SHANK2: variants seen among roughly 807,000 people sequenced by gnomAD.
SHANK2 encodes the protein SH3 and multiple ankyrin repeat domains protein 2.
In SHANK2, 43 loss-of-function variants were observed where a neutral mutation model predicts 133.7. The ratio of observed to expected loss-of-function variants is 0.32; its 90% CI spans 0.25 to 0.41. SHANK2 has a LOEUF of 0.41. SHANK2 is among the 10% of genes least tolerant of loss of function. SHANK2 has a pLI of 1.00. For synonymous variants in SHANK2, 1,017 were observed against 952.8 expected, an observed-to-expected ratio of 1.07 and a Z score of -1.24; for missense variants, 1,994 against 2,235.8, an observed-to-expected ratio of 0.89 and a Z score of 2.18.
At position 70,580,438 on chromosome 11, in the gene SHANK2, C is replaced by T. The variant is rs74434268; in HGVS notation, c.2062-77507G>A. ...TGCCAGCCTCCAGAATGCTCAATCG[C>T]GTCCCTTACCCTCCTGCAGGATGAA... On this transcript the variant is annotated intron_variant, in intron 17 of 25. Coordinates refer to ENST00000601538, the MANE Select transcript of SHANK2 (RefSeq NM_012309.5). Among the ~76,000 whole-genome samples the T allele has an allele frequency of 1.1e-3, 165 of 152,348 alleles. 1 individual carries two copies. The highest frequency in any genetic ancestry group is 3.7e-3 in the African/African-American group (154 of 41,584).
chr11:70,720,680 G>T (rs547780308), intron 14 of SHANK2, among the ~76,000 whole-genome samples: 11 of 152,370 alleles, frequency 7.2e-5, no homozygotes, highest in African/African-American at 2.6e-4. Context: ...AGGAATGACA[G>T]GTGGGACTGA....
chr11:70,808,722 G>A (rs1948216883), intron 12 of SHANK2, among the ~76,000 whole-genome samples: 1 of 151,996 alleles, frequency 6.6e-6, no homozygotes, highest in Admixed American at 6.6e-5. Context: ...GTGACAGAGT[G>A]AGATCCTGTC....
chr11:70,484,246 G>A (rs868967894), intron 25 of SHANK2, among the ~76,000 whole-genome samples: 3 of 152,320 alleles, frequency 2.0e-5, no homozygotes, highest in Middle Eastern at 6.8e-3. Flanking sequence ...TCTCATATGT[G>A]AAATTGTAGT....
intron 1 of SHANK2, among the ~76,000 whole-genome samples, chr11:71,237,764 T>G (rs1954841381): frequency 6.6e-6 from 1 of 151,898 alleles, no homozygotes; most frequent in Admixed American, 6.6e-5. Flanking sequence ...CTACCCCATC[T>G]CCCCTTCCCA....
intron 17 of SHANK2, among the ~76,000 whole-genome samples, chr11:70,593,514 A>C (rs557539038): frequency 1.6e-4 from 24 of 152,218 alleles, no homozygotes; most frequent in African/African-American, 5.5e-4. Flanking sequence ...CATGGTGGCT[A>C]CCTCGCCTGC....
At chr11:70,848,623 C>T (rs116527998) in intron 11 of SHANK2, among the ~76,000 whole-genome samples, 382 of 152,310 alleles carry the variant, frequency 2.5e-3, no homozygotes, top group African/African-American at 8.6e-3. Flanking sequence ...AAGCAGGTAG[C>T]GCTTCCAATG....
intron 20 of SHANK2, 125 bp downstream of exon 20, chr11:70,501,798 T>C: frequency 1.0e-6 from 1 of 982,588 alleles, no homozygotes; most frequent in Non-Finnish European, 1.6e-6. Flanking sequence ...GGATGGAGCC[T>C]TCTGGTCTGA....
At chr11:71,134,918 A>C (rs1237243453) in intron 3 of SHANK2, among the ~76,000 whole-genome samples, 3 of 152,028 alleles carry the variant, frequency 2.0e-5, no homozygotes, top group African/African-American at 7.3e-5. Context: ...GGCCAAGATT[A>C]CCCTTTTCAA....
intron 14 of SHANK2, chr11:70,705,757 G>A (rs1225820348): frequency 6.6e-6 from 1 of 152,204 alleles, no homozygotes; most frequent in African/African-American, 2.4e-5. Context: ...CAAGGGCTCA[G>A]CAATGTTTGT....
chr11:70,788,709 C>T (rs1555047233), intron 14 of SHANK2, among the ~76,000 whole-genome samples: 1 of 152,198 alleles, frequency 6.6e-6, no homozygotes, highest in East Asian at 1.9e-4. Context: ...CCTTCTCCTG[C>T]CCAGCCCTGA....
intron 14 of SHANK2, among the ~76,000 whole-genome samples, chr11:70,773,494 T>C (rs187060107): frequency 6.6e-6 from 1 of 152,242 alleles, no homozygotes; most frequent in Non-Finnish European, 1.5e-5. Flanking sequence ...TCATAGAGAA[T>C]GAGCTTAATG....
intron 10 of SHANK2, among the ~76,000 whole-genome samples, chr11:70,952,241 C>T (rs1330959916): frequency 6.6e-6 from 1 of 152,248 alleles, no homozygotes; most frequent in Non-Finnish European, 1.5e-5. Flanking sequence ...TGGGGCGTCT[C>T]TCCTGGCCGA....
intron 3 of SHANK2, among the ~76,000 whole-genome samples, chr11:71,143,220 G>A (rs1162174528): frequency 6.6e-6 from 1 of 152,104 alleles, no homozygotes; most frequent in African/African-American, 2.4e-5. Flanking sequence ...GGGTGACAGG[G>A]TGAGACTCCA....
At chr11:70,595,853 T>C (rs1223995710) in intron 17 of SHANK2, among the ~76,000 whole-genome samples, 1 of 152,252 alleles carries the variant, frequency 6.6e-6, no homozygotes, top group Admixed American at 6.5e-5. Context: ...ACGGGGTCTT[T>C]GCAGATTTAG....
chr11:70,499,650 G>T (rs1555157939), intron 21 of SHANK2, among the ~76,000 whole-genome samples: 1 of 152,248 alleles, frequency 6.6e-6, no homozygotes, highest in African/African-American at 2.4e-5. Context: ...GACATAGAAA[G>T]AAGGGTATTC....
intron 17 of SHANK2, among the ~76,000 whole-genome samples, chr11:70,624,798 G>A (rs529626454): frequency 4.1e-4 from 62 of 152,294 alleles, no homozygotes; most frequent in African/African-American, 1.4e-3. Flanking sequence ...CCCCGGTGTC[G>A]TCCTGGGGCA....
chr11:70,892,259 G>A (rs1198958622), intron 11 of SHANK2, among the ~76,000 whole-genome samples: 2 of 152,208 alleles, frequency 1.3e-5, no homozygotes, highest in African/African-American at 4.8e-5. Context: ...GCACAGCTGG[G>A]GAGCTGGCTA....
intron 11 of SHANK2, among the ~76,000 whole-genome samples, chr11:70,875,916 G>A (rs1949553531): frequency 6.6e-6 from 1 of 151,746 alleles, no homozygotes; most frequent in Non-Finnish European, 1.5e-5. Context: ...AAGCACTTTG[G>A]GAGCCCGAGG....
At chr11:71,214,559 C>A (rs1555119390) in intron 2 of SHANK2, among the ~76,000 whole-genome samples, 1 of 152,240 alleles carries the variant, frequency 6.6e-6, no homozygotes, top group East Asian at 1.9e-4. Flanking sequence ...CTCTGCTCAG[C>A]CTGCTAGGTT....
Sources: gnomAD v4.1 joint callset for allele counts (sites outside exome capture counted in the v4.1 genomes callset) on GRCh38, gnomAD v4.1.1 for gene constraint, MANE v1.5 for transcripts, NCBI Gene and HGNC (gene_info 2026-07-23, HGNC 2026-07-21) for gene names.